CEP57L1: variants seen among roughly 807,000 people sequenced by gnomAD.
CEP57L1 encodes centrosomal protein 57 like 1, also known as centrosomal protein CEP57L1.
CEP57L1 carries 37 observed loss-of-function variants against 61.0 expected under a neutral mutation model. The observed-to-expected ratio is 0.61, with a 90% CI of 0.47 to 0.80. The LOEUF is 0.80. CEP57L1 is among the 30% of genes least tolerant of loss of function. The pLI is 0.00. For synonymous variants in CEP57L1, 137 were observed against 162.3 expected (o/e 0.84, Z 1.19); for missense variants, 422 against 524.7 (o/e 0.80, Z 1.91).
rs1277607833 is a variant in CEP57L1 at position 109,150,370 on chromosome 6, A to C, written c.462+131A>C. On this transcript the variant is annotated intron_variant, in intron 4 of 10. Coordinates refer to ENST00000517392, the MANE Select transcript of CEP57L1 (RefSeq NM_001271852.3). The stretch of plus-strand genomic sequence containing the variant: ...TGAGGTCTAACTTACGTGTAATTGG[A>C]GTTTCAAAAGGAAAGGAAAGGAAAA... 6 of 1,062,348 alleles carry C rather than the reference A, an allele frequency of 5.6e-6. No homozygotes were observed. In the Admixed American group the frequency reaches 1.5e-4, roughly 27 times the overall value. 65.8% of individuals were successfully genotyped at this position (1,062,348 alleles called of 1,614,324 possible).
At chr6:109,114,257 G>C (rs1482451924) in intron 1 of CEP57L1, among the ~76,000 whole-genome samples, 1 of 152,100 alleles carries the variant, frequency 6.6e-6, no homozygotes, top group African/African-American at 2.4e-5. Context: ...AATCTGACAG[G>C]TATGAGCTGA....
chr6:109,106,623 G>C (rs891575448), intron 1 of CEP57L1, among the ~76,000 whole-genome samples: 1 of 152,062 alleles, frequency 6.6e-6, no homozygotes, highest in Non-Finnish European at 1.5e-5. Context: ...TAAGGACTTT[G>C]GCTTTTTTAA....
chr6:109,143,867 A>G (rs536494280), intron 1 of CEP57L1, among the ~76,000 whole-genome samples: 1 of 152,266 alleles, frequency 6.6e-6, no homozygotes, highest in South Asian at 2.1e-4. Context: ...TTCTTGGGAT[A>G]GCTTTAACAA....
At chr6:109,142,016 C>G (rs994443515) in intron 1 of CEP57L1, among the ~76,000 whole-genome samples, 2 of 152,182 alleles carry the variant, frequency 1.3e-5, no homozygotes, top group Non-Finnish European at 2.9e-5. Flanking sequence ...TAAGTGTTTT[C>G]CTCTATAAAA....
rs147747175 is a variant in CEP57L1 at position 109,155,600 on chromosome 6, A to G, written c.658-191A>G. Among the ~76,000 whole-genome samples the G allele has an allele frequency of 3.5e-3, 528 of 152,024 alleles. 2 individuals carry two copies. Among genetic ancestry groups the G allele is most frequent in the African/African-American group, 0.012 (493 of 41,552 alleles). ...CATATATTAAATAATTTATTCTTTTATAAACAGAAAATTATTGTAATTACC... is the reference window on the plus strand; with the variant it reads ...CATATATTAAATAATTTATTCTTTTGTAAACAGAAAATTATTGTAATTACC... On this transcript the variant is annotated intron_variant, in intron 6 of 10. Transcript: ENST00000517392.
intron 1 of CEP57L1, among the ~76,000 whole-genome samples, chr6:109,109,765 C>T (rs1358262870): frequency 2.0e-5 from 3 of 152,194 alleles, no homozygotes; most frequent in African/African-American, 7.2e-5. Flanking sequence ...GTTCAACTCC[C>T]ACTTATGAGT....
At chr6:109,142,232 CTAGA>C (rs1476790563) in intron 1 of CEP57L1, among the ~76,000 whole-genome samples, 2 of 151,976 alleles carry the variant, frequency 1.3e-5, no homozygotes, top group Non-Finnish European at 2.9e-5. Flanking sequence ...CAATGATAGA[CTAGA>C]TAAAGAAAAT....
At chr6:109,158,128 A>G (rs148727168) in intron 7 of CEP57L1, 1 of 153,014 alleles carries the variant, frequency 6.5e-6, no homozygotes, top group African/African-American at 2.4e-5. Context: ...GTATCAGTAC[A>G]TCCTTTTTAT....
At chr6:109,149,850 G>T (rs925839054) in intron 3 of CEP57L1, among the ~76,000 whole-genome samples, 19 of 152,108 alleles carry the variant, frequency 1.2e-4, no homozygotes, top group African/African-American at 7.2e-5. Flanking sequence ...TTGTAAGTTG[G>T]ATTCCTAGGT....
chr6:109,162,083 C>CT (rs1244259258), intron 10 of CEP57L1, among the ~76,000 whole-genome samples: 1 of 151,674 alleles, frequency 6.6e-6, no homozygotes, highest in African/African-American at 2.4e-5. Flanking sequence ...ATTCCCTTGA[C>CT]TTTTTTTTAA....
chr6:109,162,227 A>G (rs1211680450), intron 10 of CEP57L1, among the ~76,000 whole-genome samples: 1 of 152,148 alleles, frequency 6.6e-6, no homozygotes, highest in Non-Finnish European at 1.5e-5. Context: ...ATATATACAT[A>G]TACACATACA....
chr6:109,155,679 CT>C (rs1773146525), intron 6 of CEP57L1, 111 bp from the exon 7 acceptor site: 1 of 629,466 alleles, frequency 1.6e-6, no homozygotes, highest in African/African-American at 1.9e-5. Flanking sequence ...ATTTTCTTTT[CT>C]TTTCTTCTCC....
chr6:109,164,935 G>A lies in CEP57L1; in HGVS notation c.*1965G>A, dbSNP rs11968893. On this transcript the variant is annotated 3_prime_UTR_variant, in exon 11 of 11. Transcript: ENST00000517392. ...CTCTACTAAATTACAAAAATTAGCC[G>A]GGTGTGGTGGCGCATGCCTGTAATC... Among the ~76,000 whole-genome samples the A allele has an allele frequency of 8.2e-3, 1,248 of 151,986 alleles. 13 individuals carry two copies. Among genetic ancestry groups the A allele is most frequent in the African/African-American group, 0.028 (1,168 of 41,466 alleles).
At chr6:109,130,434 A>G (rs1418812852) in intron 1 of CEP57L1, among the ~76,000 whole-genome samples, 2 of 152,106 alleles carry the variant, frequency 1.3e-5, no homozygotes, top group Non-Finnish European at 2.9e-5. Flanking sequence ...AGGCTGATTA[A>G]TATTCCATTG....
At chr6:109,098,525 C>T (rs1363999635) in intron 1 of CEP57L1, among the ~76,000 whole-genome samples, 1 of 152,148 alleles carries the variant, frequency 6.6e-6, no homozygotes, top group African/African-American at 2.4e-5. Context: ...TCCTTGAACT[C>T]CTGGGCTCAA....
At position 109,145,491 on chromosome 6, in the gene CEP57L1, CTT is replaced by C. The variant is rs1482863768; in HGVS notation, c.160+112_160+113del. 4 of 730,230 alleles carry C rather than the reference CTT, an allele frequency of 5.5e-6. No individual in the cohort carries two copies. The East Asian group carries it at 1.1e-4, about 21-fold the overall frequency. The allele number at this position is 730,230 out of a possible 1,614,324, so 45.2% of individuals were successfully genotyped here. On this transcript the variant is annotated intron_variant, in intron 2 of 10. Transcript: ENST00000517392. ...TATTTAATCTTAACAAAACTCCTAACTTTGATTCTGTTGCTAAAAGTTTCTAT... is the reference window on the plus strand; with the variant it reads ...TATTTAATCTTAACAAAACTCCTAACTGATTCTGTTGCTAAAAGTTTCTAT...
chr6:109,149,522 C>G (rs1471753720), intron 3 of CEP57L1, among the ~76,000 whole-genome samples: 12 of 152,052 alleles, frequency 7.9e-5, no homozygotes, highest in African/African-American at 2.4e-5. Context: ...GTTACTGTAG[C>G]CTTGTAGTAT....
Position 109,171,734 on chromosome 6 carries a change from T to A in CEP57L1, c.*8764T>A, listed in dbSNP as rs1774418230. On this transcript the variant is annotated 3_prime_UTR_variant, in exon 11 of 11. Coordinates refer to ENST00000517392, the MANE Select transcript of CEP57L1 (RefSeq NM_001271852.3). ...TTAAAAAATGAAAAAACCTACAAAA[T>A]TACCAAAGTCACCAAGTTTAGTTAT... is the stretch of plus-strand genomic sequence containing the variant. Among the ~76,000 whole-genome samples the A allele has an allele frequency of 6.6e-6, 1 of 152,182 alleles. No individual in the cohort carries two copies. The highest frequency in any genetic ancestry group is 2.1e-4 in the South Asian group (1 of 4,832).
At chr6:109,110,316 T>G (rs1253119456) in intron 1 of CEP57L1, among the ~76,000 whole-genome samples, 2 of 152,230 alleles carry the variant, frequency 1.3e-5, no homozygotes, top group Non-Finnish European at 2.9e-5. Context: ...TTTTCATATG[T>G]TTGTTGGCTG....
Sources: gnomAD v4.1 joint callset for allele counts (sites outside exome capture counted in the v4.1 genomes callset) on GRCh38, gnomAD v4.1.1 for gene constraint, MANE v1.5 for transcripts, NCBI Gene and HGNC (gene_info 2026-07-23, HGNC 2026-07-21) for gene names.